Variants in RHBDD1 observed in about 807,000 individuals in gnomAD.
RHBDD1 encodes the protein rhomboid-related protein 4.
Under a neutral mutation model 36.3 loss-of-function variants are expected in RHBDD1, and 38 were observed. The ratio of observed to expected loss-of-function variants is 1.05; its 90% CI spans 0.81 to 1.37. The LOEUF is 1.37. RHBDD1 is among the 40% of genes most tolerant of loss of function. The probability of loss-of-function intolerance (pLI) is 0.00; values close to 1 mark genes in which losing one functional copy is unlikely to be tolerated. For missense variants in RHBDD1, 393 were observed against 377.6 expected, an observed-to-expected ratio of 1.04 and a Z score of -0.34; for synonymous variants, 151 against 136.5, an observed-to-expected ratio of 1.11 and a Z score of -0.74.
At chr2:226,909,270 A>G (rs1246710506) in intron 7 of RHBDD1, among the ~76,000 whole-genome samples, 1 of 152,212 alleles carries the variant, frequency 6.6e-6, no homozygotes, top group African/African-American at 2.4e-5. Flanking sequence ...GAACCCTTGC[A>G]TACCGTCAGA....
chr2:226,899,924 G>A (rs1398162412), intron 5 of RHBDD1, among the ~76,000 whole-genome samples: 1 of 152,226 alleles, frequency 6.6e-6, no homozygotes, highest in African/African-American at 2.4e-5. Flanking sequence ...TGAGTAATCA[G>A]AATAAATGGC....
chr2:226,951,550 G>A (rs1015862674), intron 8 of RHBDD1, among the ~76,000 whole-genome samples: 10 of 152,092 alleles, frequency 6.6e-5, no homozygotes, highest in African/African-American at 2.4e-4. Flanking sequence ...AGCTTCCTAT[G>A]GGAACTTCAC....
chr2:226,807,907 C>T, the RHBDD1 span, among the ~76,000 whole-genome samples: 1 of 151,990 alleles, frequency 6.6e-6, no homozygotes, highest in Non-Finnish European at 1.5e-5. Context: ...CCAGCTACTC[C>T]AGGGGGCTGA....
At chr2:226,812,823 T>C in the RHBDD1 span, among the ~76,000 whole-genome samples, 1 of 152,232 alleles carries the variant, frequency 6.6e-6, no homozygotes, top group Non-Finnish European at 1.5e-5. Context: ...GGTTAAGCCA[T>C]GATAACTAAA....
chr2:226,910,290 C>T (rs553986093), intron 7 of RHBDD1, among the ~76,000 whole-genome samples: 1 of 152,248 alleles, frequency 6.6e-6, no homozygotes, highest in African/African-American at 2.4e-5. Flanking sequence ...AATAAAAAGC[C>T]CTTTTTACCT....
intron 3 of RHBDD1, among the ~76,000 whole-genome samples, chr2:226,840,157 G>A (rs1450078093): frequency 2.0e-5 from 3 of 152,156 alleles, no homozygotes; most frequent in Admixed American, 6.5e-5. Flanking sequence ...CTGGAGCTTG[G>A]GGGAGGGGGA....
intron 5 of RHBDD1, among the ~76,000 whole-genome samples, chr2:226,883,768 TTAAAG>T (rs915620458): frequency 6.6e-6 from 1 of 152,186 alleles, no homozygotes; most frequent in Admixed American, 6.5e-5. Context: ...TTTTTAAAAA[TTAAAG>T]AAAAGGCCTA....
intron 3 of RHBDD1, among the ~76,000 whole-genome samples, chr2:226,840,157 G>T (rs1450078093): frequency 6.6e-6 from 1 of 152,156 alleles, no homozygotes; most frequent in African/African-American, 2.4e-5. Flanking sequence ...CTGGAGCTTG[G>T]GGGAGGGGGA....
In RHBDD1 at chr2:226,972,690, A is replaced by G. The variant is rs150080360; in HGVS notation, c.857-22741A>G. 5.0e-3 allele frequency among the ~76,000 whole-genome samples: 769 copies of G among 152,320 alleles called. 5 individuals carry two copies. The highest frequency in any genetic ancestry group is 0.018 in the African/African-American group (732 of 41,576). ...TTCAGCAAATAATGACTAGACACCTATGATAGTGACACAACAGTGAACGGC... is the reference window on the plus strand; with the variant it reads ...TTCAGCAAATAATGACTAGACACCTGTGATAGTGACACAACAGTGAACGGC... On this transcript the variant is annotated intron_variant, in intron 8 of 8. Coordinates refer to ENST00000392062, the MANE Select transcript of RHBDD1 (RefSeq NM_001167608.3).
chr2:226,948,564 T>TAAAA lies in RHBDD1; in HGVS notation c.856+34231_856+34234dup, dbSNP rs56325989. Among the ~76,000 whole-genome samples, 8 of 23,522 alleles carry TAAAA rather than the reference T, an allele frequency of 3.4e-4. No individual in the cohort carries two copies. The East Asian group carries it at 4.2e-3, about 12-fold the overall frequency. 15.4% of individuals were successfully genotyped at this position (23,522 alleles called of 152,430 possible). On this transcript the variant is annotated intron_variant, in intron 8 of 8. Coordinates refer to ENST00000392062, the MANE Select transcript of RHBDD1 (RefSeq NM_001167608.3). ...CACATGTACCCTAAAACTTAAAGTA[T>TAAAA]AAAAAAAAAAAAAAAAAAAAACGAA... is the stretch of plus-strand genomic sequence containing the variant.
At chr2:226,849,680 C>G (rs1013052145) in intron 3 of RHBDD1, among the ~76,000 whole-genome samples, 1 of 152,246 alleles carries the variant, frequency 6.6e-6, no homozygotes, top group African/African-American at 2.4e-5. Context: ...CTCCCTTGCC[C>G]TGTGGGCATA....
At chr2:226,818,460 C>T in the RHBDD1 span, among the ~76,000 whole-genome samples, 3 of 151,284 alleles carry the variant, frequency 2.0e-5, no homozygotes, top group South Asian at 6.3e-4. Context: ...GCCACTGCAC[C>T]CAGCTCAGTA....
intron 5 of RHBDD1, among the ~76,000 whole-genome samples, chr2:226,875,121 G>A (rs1212075374): frequency 2.0e-5 from 3 of 151,986 alleles, no homozygotes; most frequent in African/African-American, 4.8e-5. Context: ...GCTTCTTTAG[G>A]GGCTGTTTCT....
intron 5 of RHBDD1, among the ~76,000 whole-genome samples, chr2:226,871,273 G>T (rs1944776710): frequency 6.6e-6 from 1 of 151,878 alleles, no homozygotes; most frequent in African/African-American, 2.4e-5. Context: ...CAAACATAAA[G>T]AAATGTTGAT....
the RHBDD1 span, among the ~76,000 whole-genome samples, chr2:226,807,839 C>A: frequency 2.0e-5 from 3 of 152,246 alleles, no homozygotes; most frequent in South Asian, 6.2e-4. Flanking sequence ...GTGACTCAGG[C>A]CTGTAATCCC....
intron 5 of RHBDD1, among the ~76,000 whole-genome samples, chr2:226,871,902 A>G (rs576599946): frequency 6.6e-5 from 10 of 152,354 alleles, no homozygotes; most frequent in African/African-American, 2.4e-4. Flanking sequence ...GGGCACCTTT[A>G]TCCCTTTGGA....
chr2:226,993,995 C>T (rs1313578566), intron 8 of RHBDD1, among the ~76,000 whole-genome samples: 1 of 152,226 alleles, frequency 6.6e-6, no homozygotes, highest in African/African-American at 2.4e-5. Flanking sequence ...CCCACCCTCC[C>T]TTCCCAGCCA....
chr2:226,979,645 C>G (rs540442453), intron 8 of RHBDD1, among the ~76,000 whole-genome samples: 1 of 152,188 alleles, frequency 6.6e-6, no homozygotes, highest in Non-Finnish European at 1.5e-5. Context: ...ACCCTTCTAC[C>G]GTCTGCCCTG....
At chr2:226,853,519 C>T (rs1335474049) in intron 3 of RHBDD1, among the ~76,000 whole-genome samples, 3 of 152,214 alleles carry the variant, frequency 2.0e-5, no homozygotes, top group Non-Finnish European at 4.4e-5. Context: ...CAGGGCTTCA[C>T]GGCGGAACAG....
Sources: gnomAD v4.1 joint callset for allele counts (sites outside exome capture counted in the v4.1 genomes callset) on GRCh38, gnomAD v4.1.1 for gene constraint, MANE v1.5 for transcripts, NCBI Gene and HGNC (gene_info 2026-07-23, HGNC 2026-07-21) for gene names.